Variants in RPH3AL observed in about 807,000 individuals in gnomAD.
The protein encoded by RPH3AL is rabphilin 3A like (without C2 domains).
In RPH3AL, 38 loss-of-function variants were observed where a neutral mutation model predicts 43.1. The observed-to-expected ratio is 0.88, with a 90% CI of 0.68 to 1.15. RPH3AL has a LOEUF of 1.15. Ranked by LOEUF, RPH3AL falls within the 50% of genes most tolerant of loss-of-function variation. RPH3AL has a pLI of 0.00. For synonymous variants in RPH3AL, 189 were observed against 176.3 expected, an observed-to-expected ratio of 1.07 and a Z score of -0.57; for missense variants, 462 against 423.2, an observed-to-expected ratio of 1.09 and a Z score of -0.81.
intron 5 of RPH3AL, among the ~76,000 whole-genome samples, chr17:303,103 A>G (rs976183597): frequency 6.6e-6 from 1 of 152,250 alleles, no homozygotes; most frequent in African/African-American, 2.4e-5. Context: ...TTAAGAACTA[A>G]CAACGTAACT....
intron 1 of RPH3AL, among the ~76,000 whole-genome samples, chr17:334,492 G>A (rs2044886649): frequency 6.6e-6 from 1 of 151,194 alleles, no homozygotes; most frequent in Non-Finnish European, 1.5e-5. Context: ...ATCCACTGCG[G>A]AGGGACAGGA....
Position 213,453 on chromosome 17 carries a change from C to A in RPH3AL, c.*399G>T. ...GCCACACGCAGCTTCGGAGGCCGTGCCCTAGGTTTCATTTAGTCTTGCCAT... is the reference window on the plus strand; with the variant it reads ...GCCACACGCAGCTTCGGAGGCCGTGACCTAGGTTTCATTTAGTCTTGCCAT... On this transcript the variant is annotated 3_prime_UTR_variant, in exon 10 of 10. Coordinates refer to ENST00000331302, the MANE Select transcript of RPH3AL (RefSeq NM_006987.4). The A allele has an allele frequency of 3.6e-6, 1 of 280,650 alleles. No individual in the cohort carries two copies. The highest frequency in any genetic ancestry group is 1.1e-4 in the East Asian group (1 of 9,046). The allele number at this position is 280,650 out of a possible 1,614,324, so 17.4% of individuals were successfully genotyped here. A position where few individuals can be genotyped will look rare whatever the true frequency, so the allele number is the denominator to read the frequency against.
chr17:316,962 CA>C (rs1218479115), intron 5 of RPH3AL, among the ~76,000 whole-genome samples: 5 of 63,864 alleles, frequency 7.8e-5, no homozygotes, highest in African/African-American at 3.1e-4. Context: ...AGTCTCTCTA[CA>C]CCCACCTCCA....
At chr17:247,898 A>G (rs1407792621) in intron 6 of RPH3AL, among the ~76,000 whole-genome samples, 1 of 152,014 alleles carries the variant, frequency 6.6e-6, no homozygotes, top group Non-Finnish European at 1.5e-5. Context: ...TCTGCCAGTG[A>G]CTGGCACTTC....
intron 5 of RPH3AL, among the ~76,000 whole-genome samples, chr17:316,482 A>C (rs1250273161): frequency 3.5e-5 from 5 of 141,436 alleles, no homozygotes; most frequent in African/African-American, 1.1e-4. Context: ...TCTGTGCCCC[A>C]CCTCCACTGA....
At chr17:315,246 A>T in intron 5 of RPH3AL, among the ~76,000 whole-genome samples, 3 of 126,716 alleles carry the variant, frequency 2.4e-5, no homozygotes, top group East Asian at 2.8e-4. Context: ...ATTCACCTGT[A>T]GTCCCTGTGC....
chr17:249,650 C>G (rs1257375589), intron 6 of RPH3AL, among the ~76,000 whole-genome samples: 1 of 147,704 alleles, frequency 6.8e-6, no homozygotes, highest in Non-Finnish European at 1.5e-5. Flanking sequence ...CACATTAGTA[C>G]TGTGGGATAC....
chr17:257,227 G>A (rs868995067), intron 6 of RPH3AL, among the ~76,000 whole-genome samples: 9 of 38,852 alleles, frequency 2.3e-4, no homozygotes, highest in Non-Finnish European at 2.8e-4. Flanking sequence ...CCCTAGGAAT[G>A]TGACTACCCT....
At chr17:250,229 G>A (rs142954078) in intron 6 of RPH3AL, among the ~76,000 whole-genome samples, 79 of 134,454 alleles carry the variant, frequency 5.9e-4, no homozygotes, top group East Asian at 1.6e-3. Context: ...CTGTCGCTGC[G>A]GGACCTCTCA....
chr17:230,342 T>C (rs993258317), intron 7 of RPH3AL, among the ~76,000 whole-genome samples: 3 of 152,016 alleles, frequency 2.0e-5, no homozygotes, highest in African/African-American at 7.3e-5. Context: ...GAGCTCCAGA[T>C]AGAATGAAAG....
Position 328,166 on chromosome 17 carries a change from C to T in RPH3AL, c.-36-587G>A, listed in dbSNP as rs1400899895. On this transcript the variant is annotated intron_variant, in intron 2 of 9. Coordinates refer to ENST00000331302, the MANE Select transcript of RPH3AL (RefSeq NM_006987.4). The surrounding 1 kb of genome is among the most constrained non-coding windows in gnomAD (Gnocchi z 4.2). Reference sequence around the variant, plus strand: ...CATGCCAAGGGGAGCCGTCCATAGACACTGCCATGAAAATGGCACCTGGGG... The same window carrying T: ...CATGCCAAGGGGAGCCGTCCATAGATACTGCCATGAAAATGGCACCTGGGG... Among the ~76,000 whole-genome samples the T allele has an allele frequency of 6.6e-6, 1 of 152,024 alleles. No individual in the cohort carries two copies. The highest frequency in any genetic ancestry group is 2.4e-5 in the African/African-American group (1 of 41,368).
chr17:283,288 G>A lies in RPH3AL; in HGVS notation c.352-1434C>T, dbSNP rs1471659148. ...CACCAACTTGGCTTCCACGTCGAGC[G>A]TGTCGAGCGTGTGGAGGTCACTGGC... On this transcript the variant is annotated intron_variant, in intron 5 of 9. Coordinates refer to ENST00000331302, the MANE Select transcript of RPH3AL (RefSeq NM_006987.4). This position sits in a 1 kb window ranked among gnomAD's most constrained non-coding sequence, Gnocchi z 4.2. Among the ~76,000 whole-genome samples, 2 of 152,170 alleles carry A rather than the reference G, an allele frequency of 1.3e-5. No individual in the cohort carries two copies. Among genetic ancestry groups the A allele is most frequent in the Non-Finnish European group, 2.9e-5 (2 of 68,038 alleles).
intron 7 of RPH3AL, among the ~76,000 whole-genome samples, chr17:233,724 G>A (rs971208008): frequency 1.3e-5 from 2 of 152,198 alleles, no homozygotes; most frequent in African/African-American, 4.8e-5. Context: ...AAACAAGAAC[G>A]GTTTCACTTT....
At chr17:346,057 T>C (rs1027258990) in intron 1 of RPH3AL, among the ~76,000 whole-genome samples, 6 of 135,364 alleles carry the variant, frequency 4.4e-5, no homozygotes, top group African/African-American at 1.5e-4. Context: ...TAGTTCCAAG[T>C]GCTTATGGAA....
chr17:243,174 GATT>G (rs1555537936), intron 7 of RPH3AL, among the ~76,000 whole-genome samples: 409 of 115,794 alleles, frequency 3.5e-3, no homozygotes, highest in Middle Eastern at 7.4e-3. Flanking sequence ...TTCCTCTATT[GATT>G]ACCCTTCCTC....
chr17:272,168 T>G (rs1054625442), intron 6 of RPH3AL, among the ~76,000 whole-genome samples: 1 of 152,182 alleles, frequency 6.6e-6, no homozygotes, highest in Non-Finnish European at 1.5e-5. Flanking sequence ...GAATGTAAAC[T>G]AGTTCAACCA....
At chr17:261,504 TC>T (rs1444288737) in intron 6 of RPH3AL, among the ~76,000 whole-genome samples, 2 of 152,150 alleles carry the variant, frequency 1.3e-5, no homozygotes, top group African/African-American at 4.8e-5. Context: ...AGAAACAAAT[TC>T]CCACTGTTTA....
intron 1 of RPH3AL, among the ~76,000 whole-genome samples, chr17:347,760 T>G (rs1365190723): frequency 6.6e-6 from 1 of 152,210 alleles, no homozygotes; most frequent in Non-Finnish European, 1.5e-5. Context: ...GACTAAATAT[T>G]TATTCATAAT....
chr17:331,931 G>A (rs531336913), intron 2 of RPH3AL: 2 of 1,221,516 alleles, frequency 1.6e-6, no homozygotes, highest in Admixed American at 2.3e-5. Context: ...CTTATAGAAG[G>A]TGAGTGGAAA....
Sources: allele counts gnomAD v4.1 joint callset (sites outside exome capture counted in the v4.1 genomes callset), GRCh38; gene constraint gnomAD v4.1.1; non-coding constraint Gnocchi (gnomAD v3.1); transcripts MANE v1.5; gene names NCBI Gene and HGNC (gene_info 2026-07-23, HGNC 2026-07-21).